Variants in CACNA2D2 observed in about 807,000 individuals in gnomAD.
The protein encoded by CACNA2D2 is calcium voltage-gated channel auxiliary subunit alpha2delta 2, also known as voltage-dependent calcium channel subunit alpha-2/delta-2.
A neutral mutation model predicts 166.4 loss-of-function variants in CACNA2D2; 48 were observed. The ratio of observed to expected loss-of-function variants is 0.29; its 90% CI spans 0.23 to 0.37. CACNA2D2 has a LOEUF of 0.37. CACNA2D2 is among the 10% of genes least tolerant of loss of function. CACNA2D2 has a pLI of 1.00. For synonymous variants in CACNA2D2, 561 were observed against 573.7 expected, an observed-to-expected ratio of 0.98 and a Z score of 0.32; for missense variants, 1,122 against 1,433.0, an observed-to-expected ratio of 0.78 and a Z score of 3.50.
At chr3:50,404,999 G>C (rs1706631979) in intron 3 of CACNA2D2, among the ~76,000 whole-genome samples, 1 of 152,182 alleles carries the variant, frequency 6.6e-6, no homozygotes, top group African/African-American at 2.4e-5. Flanking sequence ...CTGAGTCCCA[G>C]CCCAACCTCC....
chr3:50,500,106 C>T (rs752683399), intron 1 of CACNA2D2, among the ~76,000 whole-genome samples: 4 of 152,212 alleles, frequency 2.6e-5, no homozygotes, highest in Non-Finnish European at 4.4e-5. Flanking sequence ...GACAGACACA[C>T]GTCACCCACC....
In CACNA2D2 at chr3:50,378,045, T is replaced by A; in HGVS notation, c.1442A>T (p.Lys481Met). The change falls in exon 15 of 38, where the codon AAG (lysine) becomes ATG (methionine). Residue 481 changes from lysine (K) to methionine (M), a missense_variant. By Grantham distance (95) the Lys-to-Met change is moderately conservative. Around this residue, in one of 2 missense-constraint regions of CACNA2D2, gnomAD observed 840 missense variants for 1,166.8 expected, o/e 0.72. Transcript: ENST00000424201. ...RPMVLAGKEAKQVQWTNVYED... is the reference protein window; with the variant it reads ...RPMVLAGKEAMQVQWTNVYED... ...ATACACGTTGGTCCACTGCACCTGC[T>A]TGGCCTCCTTGCCTGCCAGCACCAT... The A allele has an allele frequency of 1.9e-6, 3 of 1,613,702 alleles. No individual in the cohort carries two copies. The highest frequency in any genetic ancestry group is 2.5e-6 in the Non-Finnish European group (3 of 1,180,008).
Position 50,414,865 on chromosome 3 carries a change from G to A in CACNA2D2, c.405+19448C>T, listed in dbSNP as rs538472082. 2.6e-3 allele frequency among the ~76,000 whole-genome samples: 397 copies of A among 152,318 alleles called. 3 individuals are homozygous for A. The highest frequency in any genetic ancestry group is 8.8e-3 in the African/African-American group (365 of 41,576). ...GGCGCAGGGCTCCGGGAGCCCACAA[G>A]CTGTTCCTGGGCCTGCAAAGAGGCT... On this transcript the variant is annotated intron_variant, in intron 3 of 37. Transcript: ENST00000424201.
rs150978283 is a variant in CACNA2D2 at position 50,409,776 on chromosome 3, T to C, written c.406-15608A>G. Among the ~76,000 whole-genome samples the C allele has an allele frequency of 3.7e-3, 564 of 152,318 alleles. 2 individuals carry two copies. The highest frequency in any genetic ancestry group is 9.0e-3 in the Admixed American group (138 of 15,298). Reference sequence around the variant, plus strand: ...CCCAGGAGACACCCTGAGCCCTCTCTGAGGAGGAAGTGGGCCTCTGGCTGG... The same window carrying C: ...CCCAGGAGACACCCTGAGCCCTCTCCGAGGAGGAAGTGGGCCTCTGGCTGG... On this transcript the variant is annotated intron_variant, in intron 3 of 37. Transcript: ENST00000424201.
At chr3:50,436,045 A>G (rs1351005980) in intron 2 of CACNA2D2, among the ~76,000 whole-genome samples, 1 of 152,188 alleles carries the variant, frequency 6.6e-6, no homozygotes, top group Admixed American at 6.5e-5. Flanking sequence ...AAGGCAGGGA[A>G]CCTAGAGCCT....
chr3:50,460,156 A>G (rs1709528217), intron 2 of CACNA2D2, among the ~76,000 whole-genome samples: 1 of 152,250 alleles, frequency 6.6e-6, no homozygotes, highest in Non-Finnish European at 1.5e-5. Context: ...AATTAAAGAA[A>G]AAAAGGAGAC....
intron 3 of CACNA2D2, among the ~76,000 whole-genome samples, chr3:50,411,722 G>C (rs932690118): frequency 6.6e-6 from 1 of 152,208 alleles, no homozygotes; most frequent in Non-Finnish European, 1.5e-5. Context: ...CCACACCTAA[G>C]TCTGTTCAGC....
intron 3 of CACNA2D2, among the ~76,000 whole-genome samples, chr3:50,421,301 A>G (rs1316983786): frequency 6.6e-6 from 1 of 152,196 alleles, no homozygotes; most frequent in Non-Finnish European, 1.5e-5. Flanking sequence ...GCAGAAGAAT[A>G]TTTGATAAAA....
chr3:50,426,164 T>C (rs915528013), intron 3 of CACNA2D2, among the ~76,000 whole-genome samples: 3 of 152,230 alleles, frequency 2.0e-5, no homozygotes, highest in Non-Finnish European at 4.4e-5. Flanking sequence ...ACTGTGACGT[T>C]GCCTCACCCA....
chr3:50,428,543 C>T (rs765426990), intron 3 of CACNA2D2, among the ~76,000 whole-genome samples: 4 of 152,162 alleles, frequency 2.6e-5, no homozygotes, highest in Non-Finnish European at 4.4e-5. Context: ...CGGCTGTGTG[C>T]AGAAGGGTTT....
At chr3:50,461,045 G>A (rs963297537) in intron 2 of CACNA2D2, among the ~76,000 whole-genome samples, 5 of 146,718 alleles carry the variant, frequency 3.4e-5, no homozygotes, top group African/African-American at 1.2e-4. Flanking sequence ...GAGAAGGGAG[G>A]AAACAGTCAA....
Position 50,379,975 on chromosome 3 carries a change from C to T in CACNA2D2, c.886G>A (p.Val296Met), listed in dbSNP as rs774335275. 9 of 1,614,084 alleles carry T rather than the reference C, an allele frequency of 5.6e-6. No homozygotes were observed. The highest frequency in any genetic ancestry group is 3.3e-4 in the Middle Eastern group (2 of 6,062). The change falls in exon 9 of 38, where the codon GTG becomes ATG. Residue 296 changes from valine (V) to methionine (M), a missense_variant. Around this residue, in one of 2 missense-constraint regions of CACNA2D2, gnomAD observed 840 missense variants for 1,166.8 expected, o/e 0.72. Transcript: ENST00000424201. The surrounding 1 kb of genome is among the most constrained non-coding windows in gnomAD (Gnocchi z 6.5). ...CCAGCACTGCTCACTCACACATCCA[C>T]GATGATGACCATGTCTTTGGGTGAC... ...ASSPKDMVII[V>M]DVSGSVSGLT...
chr3:50,363,049 C>T lies in CACNA2D2; in HGVS notation c.*1617G>A. 6 of 398,356 alleles carry T rather than the reference C, an allele frequency of 1.5e-5. No individual in the cohort carries two copies. Among genetic ancestry groups the T allele is most frequent in the Non-Finnish European group, 1.8e-5 (4 of 225,998 alleles). The allele number at this position is 398,356 out of a possible 1,614,324, so 24.7% of individuals were successfully genotyped here. ...GGTGGGTAATGAGAAGGATTAGACC[C>T]AGCTGGGGGTTAGACAGCTACCTGA... On this transcript the variant is annotated 3_prime_UTR_variant, in exon 38 of 38. Coordinates refer to ENST00000424201, the MANE Select transcript of CACNA2D2 (RefSeq NM_006030.4).
intron 1 of CACNA2D2, among the ~76,000 whole-genome samples, chr3:50,484,949 G>C (rs534131463): frequency 6.6e-6 from 1 of 152,348 alleles, no homozygotes; most frequent in African/African-American, 2.4e-5. Context: ...TGGCAGCATG[G>C]TGGCTGCCCC....
At chr3:50,423,976 G>T (rs1232720940) in intron 3 of CACNA2D2, among the ~76,000 whole-genome samples, 1 of 152,230 alleles carries the variant, frequency 6.6e-6, no homozygotes, top group Non-Finnish European at 1.5e-5. Flanking sequence ...CCTGCCCCAC[G>T]CAATACCCCC....
intron 22 of CACNA2D2, among the ~76,000 whole-genome samples, chr3:50,373,838 T>G (rs1575594593): frequency 3.4e-5 from 2 of 58,398 alleles, no homozygotes; most frequent in African/African-American, 8.1e-5. Flanking sequence ...GGGAACTGAG[T>G]GAGGATGGAT....
In CACNA2D2 at chr3:50,376,272, CCACCG is replaced by C; in HGVS notation, c.1627-89_1627-85del. On this transcript the variant is annotated intron_variant, in intron 17 of 37. Coordinates refer to ENST00000424201, the MANE Select transcript of CACNA2D2 (RefSeq NM_006030.4). The surrounding 1 kb of genome is among the most constrained non-coding windows in gnomAD (Gnocchi z 4.3). ...CCGGAGTTCTTCCCTATTTGGCCTCCCACCGCACCGAGAGATTCTGTTTGCCTGCC... is the reference window on the plus strand; with the variant it reads ...CCGGAGTTCTTCCCTATTTGGCCTCCCACCGAGAGATTCTGTTTGCCTGCC... 7.2e-7 allele frequency: 1 copy of C among 1,381,110 alleles called. No individual in the cohort carries two copies. Among genetic ancestry groups the C allele is most frequent in the African/African-American group, 1.4e-5 (1 of 70,232 alleles). The allele number at this position is 1,381,110 out of a possible 1,614,324, so 85.6% of individuals were successfully genotyped here. A position where few individuals can be genotyped will look rare whatever the true frequency, so the allele number is the denominator to read the frequency against.
intron 1 of CACNA2D2, among the ~76,000 whole-genome samples, chr3:50,487,553 A>G (rs1288158291): frequency 1.3e-5 from 2 of 152,176 alleles, no homozygotes; most frequent in Non-Finnish European, 2.9e-5. Flanking sequence ...TTGACACGCC[A>G]TGAACCTGTT....
intron 2 of CACNA2D2, among the ~76,000 whole-genome samples, chr3:50,451,926 G>A (rs747936956): frequency 6.6e-6 from 1 of 152,182 alleles, no homozygotes; most frequent in African/African-American, 2.4e-5. Flanking sequence ...AGGCCTCAGC[G>A]CTGGCAAGAG....
Sources: allele counts gnomAD v4.1 joint callset (sites outside exome capture counted in the v4.1 genomes callset), GRCh38; gene constraint gnomAD v4.1.1; regional missense constraint gnomAD v4.1.1; non-coding constraint Gnocchi (gnomAD v3.1); transcripts MANE v1.5; gene names NCBI Gene and HGNC (gene_info 2026-07-23, HGNC 2026-07-21).